The following MYRIP variants were observed in gnomAD, a reference collection of about 807,000 sequenced individuals.
MYRIP encodes myosin VIIA and Rab interacting protein.
Under a neutral mutation model 98.0 loss-of-function variants are expected in MYRIP, and 49 were observed. The observed-to-expected ratio is 0.50, with a 90% CI of 0.40 to 0.63. The LOEUF is 0.63. Among genes scored for constraint, MYRIP ranks in the 30% least tolerant of loss-of-function variants. The pLI, the probability that MYRIP is intolerant of heterozygous loss-of-function variation, is 0.00. For missense variants in MYRIP, 1,004 were observed against 1,058.2 expected, an observed-to-expected ratio of 0.95 and a Z score of 0.71; for synonymous variants, 404 against 409.5, an observed-to-expected ratio of 0.99 and a Z score of 0.16.
At chr3:40,156,814 G>A (rs1475833248) in intron 4 of MYRIP, among the ~76,000 whole-genome samples, 1 of 152,084 alleles carries the variant, frequency 6.6e-6, no homozygotes, top group East Asian at 1.9e-4. Context: ...TGGTGTATAA[G>A]AATGCTTGTG....
intron 1 of MYRIP, among the ~76,000 whole-genome samples, chr3:39,838,473 G>T (rs187990510): frequency 6.6e-6 from 1 of 152,166 alleles, no homozygotes; most frequent in East Asian, 1.9e-4. Context: ...TAATCATGTG[G>T]TTCTTGTCAT....
chr3:39,853,934 G>C (rs1369061098), intron 1 of MYRIP, among the ~76,000 whole-genome samples: 1 of 152,096 alleles, frequency 6.6e-6, no homozygotes, highest in Admixed American at 6.5e-5. Flanking sequence ...TTTATATAAA[G>C]AGATAGATGA....
At chr3:39,994,399 C>T (rs1946277381) in intron 2 of MYRIP, among the ~76,000 whole-genome samples, 1 of 152,242 alleles carries the variant, frequency 6.6e-6, no homozygotes, top group African/African-American at 2.4e-5. Flanking sequence ...ATATCCCGTG[C>T]CTGGCTCGGA....
At chr3:40,198,375 G>C (rs144028918) in intron 10 of MYRIP, among the ~76,000 whole-genome samples, 2 of 152,308 alleles carry the variant, frequency 1.3e-5, no homozygotes, top group East Asian at 3.9e-4. Flanking sequence ...TGGAGGTTGA[G>C]AGAATACTGG....
chr3:40,076,011 C>T (rs1427838219), intron 3 of MYRIP, among the ~76,000 whole-genome samples: 3 of 152,038 alleles, frequency 2.0e-5, no homozygotes, highest in African/African-American at 4.8e-5. Flanking sequence ...GCCTGGCCAA[C>T]GTGGTAAAAC....
intron 10 of MYRIP, among the ~76,000 whole-genome samples, chr3:40,196,085 AT>A (rs1330513175): frequency 6.6e-6 from 1 of 151,698 alleles, no homozygotes; most frequent in Non-Finnish European, 1.5e-5. Context: ...TAGTTTATAG[AT>A]TTTTTTTCTC....
At chr3:39,844,667 C>T (rs919868769) in intron 1 of MYRIP, among the ~76,000 whole-genome samples, 6 of 152,128 alleles carry the variant, frequency 3.9e-5, no homozygotes, top group Non-Finnish European at 4.4e-5. Flanking sequence ...CACTTTATGT[C>T]CATAGTCAGA....
At chr3:39,995,239 G>C (rs371157780) in intron 2 of MYRIP, among the ~76,000 whole-genome samples, 1 of 152,108 alleles carries the variant, frequency 6.6e-6, no homozygotes, top group Non-Finnish European at 1.5e-5. Flanking sequence ...AAAGTACTCC[G>C]AGCTAAAGGA....
chr3:39,947,725 A>G (rs1195210376), intron 2 of MYRIP, among the ~76,000 whole-genome samples: 1 of 152,136 alleles, frequency 6.6e-6, no homozygotes, highest in African/African-American at 2.4e-5. Context: ...CTATGATTGC[A>G]CCACTGCACT....
intron 8 of MYRIP, among the ~76,000 whole-genome samples, chr3:40,180,652 C>A (rs1950863567): frequency 6.6e-6 from 1 of 152,206 alleles, no homozygotes; most frequent in African/African-American, 2.4e-5. Context: ...ATGACCATTG[C>A]ATCGAAAGGC....
intron 3 of MYRIP, among the ~76,000 whole-genome samples, chr3:40,078,211 G>T (rs1948394450): frequency 6.6e-6 from 1 of 152,228 alleles, no homozygotes; most frequent in East Asian, 1.9e-4. Context: ...GGGCCAGCTG[G>T]CTGCTCCGAG....
chr3:40,141,014 G>T (rs1949879675), intron 3 of MYRIP, among the ~76,000 whole-genome samples: 1 of 151,898 alleles, frequency 6.6e-6, no homozygotes, highest in Non-Finnish European at 1.5e-5. Context: ...CCATTCTAAC[G>T]ATTTTTTTGT....
chr3:39,842,487 T>C (rs1213949628), intron 1 of MYRIP, among the ~76,000 whole-genome samples: 6 of 152,120 alleles, frequency 3.9e-5, no homozygotes, highest in Non-Finnish European at 8.8e-5. Flanking sequence ...CTTGCTGCCG[T>C]TTCAGGTGCC....
At chr3:39,930,822 C>A (rs767376460) in intron 2 of MYRIP, among the ~76,000 whole-genome samples, 26 of 152,030 alleles carry the variant, frequency 1.7e-4, no homozygotes, top group Non-Finnish European at 2.9e-4. Context: ...TTGTCTATAA[C>A]CAATTCACTA....
chr3:40,173,768 T>C (rs1950682587), intron 8 of MYRIP: 2 of 152,218 alleles, frequency 1.3e-5, no homozygotes, highest in Admixed American at 1.3e-4. Flanking sequence ...CAGAGTCTCA[T>C]AGGATTTCCC....
chr3:39,825,298 T>C (rs1941229908), intron 1 of MYRIP, among the ~76,000 whole-genome samples: 1 of 152,206 alleles, frequency 6.6e-6, no homozygotes, highest in South Asian at 2.1e-4. Context: ...CTTTTGGCTT[T>C]TTCCCATTCA....
At chr3:40,117,103 C>G (rs1353003871) in intron 3 of MYRIP, among the ~76,000 whole-genome samples, 16 of 152,164 alleles carry the variant, frequency 1.1e-4, no homozygotes. Flanking sequence ...GCCACATCTG[C>G]CTTTCAATCC....
chr3:39,918,138 T>C (rs1359156142), intron 2 of MYRIP, among the ~76,000 whole-genome samples: 3 of 152,044 alleles, frequency 2.0e-5, no homozygotes, highest in Admixed American at 1.3e-4. Flanking sequence ...GTGGTCTCGA[T>C]CTCCTGACCT....
chr3:40,059,342 C>T (rs377689657), intron 3 of MYRIP, among the ~76,000 whole-genome samples: 1 of 152,146 alleles, frequency 6.6e-6, no homozygotes, highest in Non-Finnish European at 1.5e-5. Context: ...GTTCTAGATC[C>T]TTGAGGAATT....
Sources: allele counts gnomAD v4.1 joint callset (sites outside exome capture counted in the v4.1 genomes callset), GRCh38; gene constraint gnomAD v4.1.1; transcripts MANE v1.5; gene names NCBI Gene and HGNC (gene_info 2026-07-23, HGNC 2026-07-21).